Variants in SV2C observed in about 807,000 individuals in gnomAD.
The protein encoded by SV2C is solute carrier family 22 member B3.
In SV2C, 49 loss-of-function variants were observed where a neutral mutation model predicts 79.7. The ratio of observed to expected loss-of-function variants is 0.61; its 90% CI spans 0.49 to 0.78. SV2C has a LOEUF of 0.78. Among genes scored for constraint, SV2C ranks in the 30% least tolerant of loss-of-function variants. SV2C has a pLI of 0.00. For missense variants in SV2C, 833 were observed against 912.9 expected, an observed-to-expected ratio of 0.91 and a Z score of 1.13; for synonymous variants, 334 against 333.2, an observed-to-expected ratio of 1.00 and a Z score of -0.03.
the SV2C span, among the ~76,000 whole-genome samples, chr5:75,955,241 C>A: frequency 1.5e-4 from 22 of 149,896 alleles, no homozygotes; most frequent in Admixed American, 9.9e-4. Context: ...AATAACACCG[C>A]ATATCTACAA....
At chr5:76,262,288 T>C (rs1746495244) in intron 4 of SV2C, among the ~76,000 whole-genome samples, 1 of 152,166 alleles carries the variant, frequency 6.6e-6, no homozygotes, top group African/African-American at 2.4e-5. Flanking sequence ...TGATATCCCT[T>C]TTTTTGTTTT....
rs1474924719 is a variant in SV2C at position 76,328,519 on chromosome 5, G to A, written c.*2972G>A. ...CACCCAACTCACATTCAGTCCTGCT[G>A]CCTGAATCATCTCACACCAGAGTAC... On this transcript the variant is annotated 3_prime_UTR_variant, in exon 13 of 13. Coordinates refer to ENST00000502798, the MANE Select transcript of SV2C (RefSeq NM_014979.4). 6.6e-6 allele frequency: 1 copy of A among 152,218 alleles called. No individual in the cohort carries two copies. Among genetic ancestry groups the A allele is most frequent in the Non-Finnish European group, 1.5e-5 (1 of 68,072 alleles). The allele number at this position is 152,218 out of a possible 1,614,324, so 9.4% of individuals were successfully genotyped here.
chr5:76,277,959 G>A (rs1010287914), intron 4 of SV2C, among the ~76,000 whole-genome samples: 1 of 152,100 alleles, frequency 6.6e-6, no homozygotes, highest in Non-Finnish European at 1.5e-5. Flanking sequence ...AATGATGGTG[G>A]TTACATGACT....
At chr5:76,016,253 C>CAAAAAAAAAAAAAAAAAAAAAAAAAAA in the SV2C span, among the ~76,000 whole-genome samples, 1 of 14,766 alleles carries the variant, frequency 6.8e-5, no homozygotes, top group African/African-American at 2.6e-4. Context: ...TTTTAATTTT[C>CAAAAAAAAAAAAAAAAAAAAAAAAAAA]TAAAAAAAAA....
intron 1 of SV2C, among the ~76,000 whole-genome samples, chr5:76,128,271 A>G (rs1348582327): frequency 6.6e-6 from 1 of 152,216 alleles, no homozygotes; most frequent in Admixed American, 6.5e-5. Context: ...AGGGTAGTTT[A>G]TTGGAACAAA....
In SV2C at chr5:76,101,653, T is replaced by C. The variant is rs1032560506; in HGVS notation, c.-102+18141T>C. 7.0e-4 allele frequency among the ~76,000 whole-genome samples: 107 copies of C among 152,318 alleles called. 1 individual carries two copies. The highest frequency in any genetic ancestry group is 1.8e-4 in the Non-Finnish European group (12 of 68,018). ...AGCAGTTGATGTCAGGGACAGTGAC[T>C]GCTAATAATTATTATAAAATTCATT... is the stretch of plus-strand genomic sequence containing the variant. On this transcript the variant is annotated intron_variant, in intron 1 of 12. Transcript: ENST00000502798.
At chr5:76,352,432 T>C (rs1749659642) in intron 12 of SV2C, among the ~76,000 whole-genome samples, 1 of 152,228 alleles carries the variant, frequency 6.6e-6, no homozygotes, top group Admixed American at 6.5e-5. Flanking sequence ...AGCTCTGTCC[T>C]AATGAATGGA....
chr5:76,048,986 A>AGAAAGAAAGAAAGAAAGAAAG, the SV2C span, among the ~76,000 whole-genome samples: 1 of 91,166 alleles, frequency 1.1e-5, no homozygotes, highest in African/African-American at 3.7e-5. Context: ...AAAGAAAGAA[A>AGAAAGAAAGAAAGAAAGAAAG]GAAAGAAAGA....
At chr5:76,274,507 C>G (rs1333859455) in intron 4 of SV2C, among the ~76,000 whole-genome samples, 1 of 151,880 alleles carries the variant, frequency 6.6e-6, no homozygotes, top group Non-Finnish European at 1.5e-5. Flanking sequence ...GTGCTTTTTT[C>G]ACTGAGCAAT....
chr5:76,214,551 A>G (rs1282505446), intron 4 of SV2C, among the ~76,000 whole-genome samples: 1 of 152,154 alleles, frequency 6.6e-6, no homozygotes, highest in African/African-American at 2.4e-5. Flanking sequence ...TGTTTCTTCT[A>G]TTTCTGTGAG....
At chr5:76,247,344 A>G (rs969636867) in intron 4 of SV2C, among the ~76,000 whole-genome samples, 1 of 152,238 alleles carries the variant, frequency 6.6e-6, no homozygotes, top group Non-Finnish European at 1.5e-5. Context: ...TCCCGTGGCC[A>G]TATGCTGTGA....
the SV2C span, among the ~76,000 whole-genome samples, chr5:75,901,968 C>T: frequency 1.9e-4 from 29 of 152,246 alleles, no homozygotes; most frequent in African/African-American, 7.0e-4. Flanking sequence ...TGGGAGTGAC[C>T]CGATTTTCCA....
intron 4 of SV2C, among the ~76,000 whole-genome samples, chr5:76,233,888 G>T (rs1386314579): frequency 6.6e-6 from 1 of 151,920 alleles, no homozygotes; most frequent in African/African-American, 2.4e-5. Flanking sequence ...CAAGGATATT[G>T]GTCTAAAATT....
At chr5:76,284,866 T>G (rs1232856614) in intron 4 of SV2C, among the ~76,000 whole-genome samples, 1 of 151,874 alleles carries the variant, frequency 6.6e-6, no homozygotes, top group Non-Finnish European at 1.5e-5. Context: ...ACTAGCACAG[T>G]GGTCTATTGG....
At chr5:76,235,677 T>G (rs1002020190) in intron 4 of SV2C, among the ~76,000 whole-genome samples, 13 of 148,600 alleles carry the variant, frequency 8.7e-5, no homozygotes, top group African/African-American at 3.4e-4. Context: ...CTTAGTGCAA[T>G]AAAAAAAGGG....
At chr5:76,303,110 T>TAACA (rs1236893068) in intron 12 of SV2C, among the ~76,000 whole-genome samples, 8 of 152,110 alleles carry the variant, frequency 5.3e-5, no homozygotes, top group African/African-American at 1.9e-4. Flanking sequence ...GCAGAACATC[T>TAACA]AACACTCAAC....
intron 2 of SV2C, chr5:76,173,551 C>G: frequency 6.9e-7 from 1 of 1,444,010 alleles, no homozygotes; most frequent in Non-Finnish European, 9.7e-7. Flanking sequence ...GTAGGTTTAA[C>G]AAAGTTGGAA....
At chr5:75,963,559 A>G in the SV2C span, among the ~76,000 whole-genome samples, 2 of 151,512 alleles carry the variant, frequency 1.3e-5, no homozygotes, top group Non-Finnish European at 2.9e-5. Context: ...GTTCCTTTTT[A>G]TTTTTCCTTT....
At chr5:76,115,075 C>T (rs907111871) in intron 1 of SV2C, among the ~76,000 whole-genome samples, 6 of 152,102 alleles carry the variant, frequency 3.9e-5, no homozygotes, top group South Asian at 2.1e-4. Context: ...ACAAACTCAC[C>T]GTTTATGTCT....
Sources: gnomAD v4.1 joint callset for allele counts (sites outside exome capture counted in the v4.1 genomes callset) on GRCh38, gnomAD v4.1.1 for gene constraint, MANE v1.5 for transcripts, NCBI Gene and HGNC (gene_info 2026-07-23, HGNC 2026-07-21) for gene names.